Variants in GRIK2 observed in about 807,000 individuals in gnomAD.
GRIK2 encodes glutamate ionotropic receptor kainate type subunit 2, also known as glutamate receptor ionotropic, kainate 2.
Under a neutral mutation model 100.3 loss-of-function variants are expected in GRIK2, and 32 were observed. That is an observed-to-expected ratio of 0.32 (90% CI 0.24 to 0.43). GRIK2 has a LOEUF of 0.43. GRIK2 is among the 20% of genes least tolerant of loss of function. The pLI is 1.00. For missense variants in GRIK2, 843 were observed against 1,114.9 expected, an observed-to-expected ratio of 0.76 and a Z score of 3.47; for synonymous variants, 417 against 389.4, an observed-to-expected ratio of 1.07 and a Z score of -0.83.
At chr6:101,719,818 C>A (rs1164383656) in intron 7 of GRIK2, among the ~76,000 whole-genome samples, 2 of 151,922 alleles carry the variant, frequency 1.3e-5, no homozygotes, top group Non-Finnish European at 2.9e-5. Flanking sequence ...TTTAATAGTC[C>A]ATTGACTCTC....
At chr6:101,961,379 T>C (rs1186628257) in intron 14 of GRIK2, among the ~76,000 whole-genome samples, 1 of 152,080 alleles carries the variant, frequency 6.6e-6, no homozygotes, top group Non-Finnish European at 1.5e-5. Context: ...GCTGGGCTAA[T>C]GGACATACCA....
chr6:101,989,652 A>G (rs1562092840), intron 14 of GRIK2, among the ~76,000 whole-genome samples: 1 of 151,596 alleles, frequency 6.6e-6, no homozygotes, highest in Non-Finnish European at 1.5e-5. Flanking sequence ...ACAGACCTTT[A>G]TTTATTACTA....
intron 9 of GRIK2, among the ~76,000 whole-genome samples, chr6:101,810,342 G>GA (rs1359747967): frequency 1.3e-5 from 2 of 151,792 alleles, no homozygotes; most frequent in African/African-American, 4.8e-5. Flanking sequence ...TCTTAAATGA[G>GA]AAAAATCAGT....
chr6:101,757,265 A>G (rs1777193249), intron 7 of GRIK2, among the ~76,000 whole-genome samples: 1 of 152,194 alleles, frequency 6.6e-6, no homozygotes, highest in African/African-American at 2.4e-5. Flanking sequence ...TTTTACAAAT[A>G]AATCAATTAA....
chr6:101,450,917 C>T (rs985277818), intron 2 of GRIK2, among the ~76,000 whole-genome samples: 2 of 151,582 alleles, frequency 1.3e-5, no homozygotes, highest in African/African-American at 4.8e-5. Context: ...CATTAAATAT[C>T]CCTGGGCTTC....
At chr6:101,538,061 A>C (rs567499719) in intron 2 of GRIK2, among the ~76,000 whole-genome samples, 2 of 151,814 alleles carry the variant, frequency 1.3e-5, no homozygotes, top group Non-Finnish European at 2.9e-5. Context: ...GAAACCAACA[A>C]GACTGTTCAT....
intron 7 of GRIK2, among the ~76,000 whole-genome samples, chr6:101,738,624 G>A (rs1775832836): frequency 6.6e-6 from 1 of 152,006 alleles, no homozygotes; most frequent in Admixed American, 6.6e-5. Flanking sequence ...TTAAGCAAGA[G>A]TCCCTATTTT....
At chr6:101,909,656 G>C (rs1578294) in intron 12 of GRIK2, among the ~76,000 whole-genome samples, 1 of 150,312 alleles carries the variant, frequency 6.7e-6, no homozygotes, top group Non-Finnish European at 1.5e-5. Context: ...AGCATCCTTG[G>C]GAAATGCATA....
At chr6:101,758,054 T>A (rs1777244334) in intron 7 of GRIK2, among the ~76,000 whole-genome samples, 1 of 151,912 alleles carries the variant, frequency 6.6e-6, no homozygotes, top group African/African-American at 2.4e-5. Context: ...CATGGTGAAA[T>A]CCCAACTTTA....
intron 16 of GRIK2, among the ~76,000 whole-genome samples, chr6:102,064,375 TTTC>T (rs1331043105): frequency 6.8e-6 from 1 of 147,068 alleles, no homozygotes; most frequent in Non-Finnish European, 1.5e-5. Flanking sequence ...TCTTTCTTTC[TTTC>T]TTTCTTTCCT....
intron 5 of GRIK2, among the ~76,000 whole-genome samples, chr6:101,679,360 C>T (rs1771075810): frequency 6.6e-6 from 1 of 152,098 alleles, no homozygotes; most frequent in Non-Finnish European, 1.5e-5. Context: ...GTTAATTCAT[C>T]ATATAGCATA....
intron 11 of GRIK2, among the ~76,000 whole-genome samples, chr6:101,886,254 T>G (rs1562464358): frequency 6.6e-6 from 1 of 152,156 alleles, no homozygotes; most frequent in Admixed American, 6.6e-5. Context: ...TCCCCCATGC[T>G]TTTTCATGGC....
intron 2 of GRIK2, among the ~76,000 whole-genome samples, chr6:101,442,143 G>A (rs1374566253): frequency 6.6e-6 from 1 of 152,122 alleles, no homozygotes; most frequent in Non-Finnish European, 1.5e-5. Flanking sequence ...CCACAGATGT[G>A]TCTGAAAATG....
At chr6:102,002,599 G>A (rs1324549427) in intron 14 of GRIK2, among the ~76,000 whole-genome samples, 2 of 150,274 alleles carry the variant, frequency 1.3e-5, no homozygotes, top group African/African-American at 4.9e-5. Context: ...TTCTTTACAA[G>A]GTCTATTTTT....
At chr6:101,746,344 T>C (rs1776419443) in intron 7 of GRIK2, among the ~76,000 whole-genome samples, 1 of 152,172 alleles carries the variant, frequency 6.6e-6, no homozygotes, top group East Asian at 1.9e-4. Flanking sequence ...TATTTATTTA[T>C]TGAGACAGAG....
At chr6:101,663,929 C>G (rs1769822460) in intron 4 of GRIK2, among the ~76,000 whole-genome samples, 2 of 152,102 alleles carry the variant, frequency 1.3e-5, no homozygotes, top group Admixed American at 6.5e-5. Context: ...CAGAGGCCTT[C>G]CTAGGATACT....
chr6:101,656,420 A>T (rs1769182140), intron 4 of GRIK2, among the ~76,000 whole-genome samples: 1 of 148,158 alleles, frequency 6.7e-6, no homozygotes, highest in Non-Finnish European at 1.5e-5. Flanking sequence ...ATTTTGGAAT[A>T]GGTGTTTAGA....
intron 7 of GRIK2, among the ~76,000 whole-genome samples, chr6:101,711,512 T>C (rs1343825847): frequency 3.3e-5 from 5 of 151,830 alleles, no homozygotes; most frequent in African/African-American, 1.2e-4. Flanking sequence ...TATAATGCAA[T>C]ACTTCGTATT....
intron 14 of GRIK2, among the ~76,000 whole-genome samples, chr6:101,972,688 T>A (rs1793124275): frequency 6.6e-6 from 1 of 151,990 alleles, no homozygotes. Context: ...GGTCTTATAT[T>A]TAAATCTTTA....
Sources: allele counts gnomAD v4.1 joint callset (sites outside exome capture counted in the v4.1 genomes callset), GRCh38; gene constraint gnomAD v4.1.1; transcripts MANE v1.5; gene names NCBI Gene and HGNC (gene_info 2026-07-23, HGNC 2026-07-21).